The following SUPT20H variants were observed in gnomAD, a reference collection of about 807,000 sequenced individuals.
SUPT20H encodes transcription factor SPT20 homolog.
In SUPT20H, 82 loss-of-function variants were observed where a neutral mutation model predicts 122.8. The ratio of observed to expected loss-of-function variants is 0.67; its 90% CI spans 0.56 to 0.80. The LOEUF (loss-of-function observed/expected upper bound fraction) is 0.80. SUPT20H is among the 30% of genes least tolerant of loss of function. The pLI is 0.00. For missense variants in SUPT20H, 831 were observed against 921.6 expected (o/e 0.90, Z 1.27); for synonymous variants, 291 against 313.0 (o/e 0.93, Z 0.74).
intron 15 of SUPT20H, 133 bp from the exon 16 acceptor site, chr13:37,026,369 T>C (rs2062277092): frequency 3.3e-6 from 2 of 613,796 alleles, no homozygotes; most frequent in African/African-American, 1.9e-5. Flanking sequence ...TACCAAGATA[T>C]GAAAAAAATT....
At chr13:37,033,387 A>G in intron 10 of SUPT20H, 62 bp downstream of exon 10, 7 of 1,579,298 alleles carry the variant, frequency 4.4e-6, no homozygotes, top group Non-Finnish European at 6.0e-6. Context: ...AAAAGATACT[A>G]TAAATAGCAA....
rs202115692 is a variant in SUPT20H, at chr13:37,031,847, T to C, written c.756A>G (p.Leu252=). 6.4e-5 allele frequency: 102 copies of C among 1,605,278 alleles called. No individual in the cohort carries two copies. The South Asian group carries it at 6.4e-4, about 10-fold the overall frequency. The change falls in exon 11 of 26, where the codon CTA becomes CTG. Residue 252 remains leucine, a synonymous_variant. Transcript: ENST00000350612. ...GCTGAGGAGGAGGTGGACAATGAGA[T>C]AGATCTTGCTGCCGATTCAGAGAGG... The part of the protein sequence containing the change: ...SRSSLNRQQD[L]SHCPPPPQLR...
chr13:37,026,166 T>C (rs2062225761), intron 16 of SUPT20H, 38 bp downstream of exon 16: 3 of 1,555,686 alleles, frequency 1.9e-6, no homozygotes, highest in African/African-American at 1.4e-5. Flanking sequence ...ATTTTTCATA[T>C]CCATCCTGAC....
chr13:37,035,843 T>C (rs1300694805), intron 9 of SUPT20H, among the ~76,000 whole-genome samples: 1 of 152,222 alleles, frequency 6.6e-6, no homozygotes, highest in Admixed American at 6.5e-5. Flanking sequence ...AGTGGTTTCT[T>C]GAGATAGACT....
intron 21 of SUPT20H, 46 bp from the exon 22 acceptor site, chr13:37,019,443 C>A (rs1487812509): frequency 7.3e-7 from 1 of 1,363,224 alleles, no homozygotes; most frequent in Non-Finnish European, 1.0e-6. Context: ...AAGTTTATTA[C>A]ACATGAAAAT....
rs2062063533 is a variant in SUPT20H at position 37,025,307 on chromosome 13, T to G, written c.1329+13A>C. 2 of 1,572,114 alleles carry G rather than the reference T, an allele frequency of 1.3e-6. No individual in the cohort carries two copies. Among genetic ancestry groups the G allele is most frequent in the Non-Finnish European group, 1.8e-6 (2 of 1,142,010 alleles). On this transcript the variant is annotated intron_variant, in intron 17 of 25. Coordinates refer to ENST00000350612, the MANE Select transcript of SUPT20H (RefSeq NM_001014286.3). ...ACAACTGGGCACAAAGAAGTAACAT[T>G]AATGAAACACACATCTGTTTCTTTC...
In SUPT20H at chr13:37,017,281, C is replaced by T; in HGVS notation, c.1956G>A (p.Gln652=). The part of the protein sequence containing the change: ...LSQFTPQQPQ[Q]PTTCSPQQPG... Reference sequence around the variant, plus strand: ...GCTGTTGAGGACTACAAGTTGTGGGCTGCTGAGGTTGTTGTGGTGTAAACT... The same window carrying T: ...GCTGTTGAGGACTACAAGTTGTGGGTTGCTGAGGTTGTTGTGGTGTAAACT... The change falls in exon 23 of 26, where the codon CAG becomes CAA. Residue 652 remains glutamine, a synonymous_variant. Transcript: ENST00000350612. 4 of 1,614,072 alleles carry T rather than the reference C, an allele frequency of 2.5e-6. No individual in the cohort carries two copies. The highest frequency in any genetic ancestry group is 3.4e-6 in the Non-Finnish European group (4 of 1,179,994).
At position 37,059,607 on chromosome 13, in the gene SUPT20H, G is replaced by A. The variant is rs1482490761; in HGVS notation, c.-142C>T. On this transcript the variant is annotated 5_prime_UTR_variant, in exon 1 of 26. Transcript: ENST00000350612. ...GGCCCCAAGACGGCGCCGCCTGCTC[G>A]GCAGCAAAGCCCACCCGCCCCGTCG... 2.0e-5 allele frequency: 3 copies of A among 152,306 alleles called. No homozygotes were observed. The highest frequency in any genetic ancestry group is 4.8e-5 in the African/African-American group (2 of 41,476). 9.4% of individuals were successfully genotyped at this position (152,306 alleles called of 1,614,324 possible).
chr13:37,033,691 G>T lies in SUPT20H; in HGVS notation c.568-103C>A, dbSNP rs41292229. 7,716 of 1,274,644 alleles carry T rather than the reference G, an allele frequency of 6.1e-3. 29 individuals carry two copies. Among genetic ancestry groups the T allele is most frequent in the Non-Finnish European group, 7.3e-3 (6,860 of 945,052 alleles). 79.0% of individuals were successfully genotyped at this position (1,274,644 alleles called of 1,614,324 possible). A position where few individuals can be genotyped will look rare whatever the true frequency, so the allele number is the denominator to read the frequency against. On this transcript the variant is annotated intron_variant, in intron 9 of 25. Coordinates refer to ENST00000350612, the MANE Select transcript of SUPT20H (RefSeq NM_001014286.3). ...AAATATTCCCTGGAATTCTGCTAAGGACTACAGTAAAATATGGTATTTCAA... is the reference window on the plus strand; with the variant it reads ...AAATATTCCCTGGAATTCTGCTAAGTACTACAGTAAAATATGGTATTTCAA...
rs2060645971 is a variant in SUPT20H at position 37,017,126 on chromosome 13, T to C, written c.1992+119A>G. 2.8e-6 allele frequency: 4 copies of C among 1,420,066 alleles called. No homozygotes were observed. The East Asian group carries it at 9.3e-5, about 33-fold the overall frequency. 88.0% of individuals were successfully genotyped at this position (1,420,066 alleles called of 1,614,324 possible). A position where few individuals can be genotyped will look rare whatever the true frequency, so the allele number is the denominator to read the frequency against. On this transcript the variant is annotated intron_variant, in intron 23 of 25. Coordinates refer to ENST00000350612, the MANE Select transcript of SUPT20H (RefSeq NM_001014286.3). The stretch of plus-strand genomic sequence containing the variant: ...ACCCAATAGCTGATTGCTACTATTG[T>C]TAATAAAAACAGTACAGGAAATGTT...
Position 37,025,386 on chromosome 13 carries a change from G to C in SUPT20H, c.1263C>G (p.Val421=). The change falls in exon 17 of 26, where the codon GTC becomes GTG. Residue 421 remains valine, a synonymous_variant. Transcript: ENST00000350612. ...AGCCACTGGAGCTGTGTGACATCTT[G>C]ACCGGACATTTGGCTTCATTCTGGA... ...ELVQNEAKCP[V]KMSHSSSGSA... The C allele has an allele frequency of 6.2e-7, 1 of 1,613,928 alleles. No homozygotes were observed. Among genetic ancestry groups the C allele is most frequent in the Non-Finnish European group, 8.5e-7 (1 of 1,179,882 alleles).
intron 12 of SUPT20H, among the ~76,000 whole-genome samples, chr13:37,031,242 AAAG>A (rs1226503073): frequency 6.6e-6 from 1 of 152,092 alleles, no homozygotes; most frequent in Non-Finnish European, 1.5e-5. Context: ...ATTATCAAAA[AAAG>A]AGAGATTTCA....
chr13:37,009,957 C>T (rs2059301463), intron 25 of SUPT20H, 148 bp from the exon 26 acceptor site: 2 of 1,096,612 alleles, frequency 1.8e-6, no homozygotes, highest in Admixed American at 6.8e-5. Context: ...AGACAATGCA[C>T]AGTCAAACAG....
intron 9 of SUPT20H, among the ~76,000 whole-genome samples, chr13:37,037,552 G>T (rs1045679410): frequency 3.3e-5 from 5 of 152,168 alleles, no homozygotes; most frequent in African/African-American, 4.8e-5. Context: ...GATGTGTTAG[G>T]CACCTTTCCA....
chr13:37,046,775 T>C (rs969209112), intron 5 of SUPT20H: 29 of 152,192 alleles, frequency 1.9e-4, no homozygotes, highest in African/African-American at 7.0e-4. Context: ...GTACAATTTA[T>C]TGTATGTCAA....
rs776473903 is a variant in SUPT20H at position 37,022,762 on chromosome 13, A to G, written c.1592-682T>C. The G allele has an allele frequency of 2.3e-4, 231 of 1,006,354 alleles. No homozygotes were observed. The highest frequency in any genetic ancestry group is 2.7e-4 in the Non-Finnish European group (229 of 840,056). The allele number at this position is 1,006,354 out of a possible 1,614,324, so 62.3% of individuals were successfully genotyped here. ...ATTTAATAAGTTACATATGGTTAAC[A>G]ATCATATTTGGCACCTAAATATACA... On this transcript the variant is annotated intron_variant, in intron 19 of 25. Coordinates refer to ENST00000350612, the MANE Select transcript of SUPT20H (RefSeq NM_001014286.3). The surrounding 1 kb of genome is among the most constrained non-coding windows in gnomAD (Gnocchi z 4.5).
chr13:37,033,456 T>C lies in SUPT20H; in HGVS notation c.700A>G (p.Met234Val), dbSNP rs184453568. ...YNKQKMNTRP[M>V]KRCFKRYSRS... ...TTCCACAAAGGCAATTACCGTTTCA[T>C]TGGGCGAGTGTTCATCTTTTGCTTG... is the stretch of plus-strand genomic sequence containing the variant. The change falls in exon 10 of 26, where the codon ATG becomes GTG. Residue 234 changes from methionine (M) to valine (V), a missense_variant. Met to Val is a conservative substitution (Grantham distance 21). Transcript: ENST00000350612. 6.8e-6 allele frequency: 11 copies of C among 1,609,798 alleles called. No homozygotes were observed. Among genetic ancestry groups the C allele is most frequent in the Middle Eastern group, 3.3e-4 (2 of 6,038 alleles).
At chr13:37,018,004 C>T (rs970315616) in intron 22 of SUPT20H, among the ~76,000 whole-genome samples, 17 of 152,066 alleles carry the variant, frequency 1.1e-4, no homozygotes, top group African/African-American at 4.1e-4. Context: ...AAAAAACAAA[C>T]AGTTTTTCCA....
intron 12 of SUPT20H, 140 bp from the exon 13 acceptor site, chr13:37,029,976 G>C (rs41292227): frequency 1.7e-6 from 1 of 589,380 alleles, no homozygotes; most frequent in African/African-American, 2.0e-5. Flanking sequence ...TTAAATTACC[G>C]GTATCAACTA....
Sources: allele counts gnomAD v4.1 joint callset (sites outside exome capture counted in the v4.1 genomes callset), GRCh38; gene constraint gnomAD v4.1.1; non-coding constraint Gnocchi (gnomAD v3.1); transcripts MANE v1.5; gene names NCBI Gene and HGNC (gene_info 2026-07-23, HGNC 2026-07-21).